DCDC1: variants seen among roughly 807,000 people sequenced by gnomAD.
The protein encoded by DCDC1 is doublecortin domain containing 1, also known as doublecortin domain-containing protein 1.
A neutral mutation model predicts 178.3 loss-of-function variants in DCDC1; 200 were observed. The ratio of observed to expected loss-of-function variants is 1.12; its 90% confidence interval spans 1.00 to 1.26. The LOEUF (loss-of-function observed/expected upper bound fraction) is 1.26, where lower values mean the gene tolerates loss of function less well. Ranked by LOEUF, DCDC1 falls within the 50% of genes most tolerant of loss-of-function variation. The pLI, the probability that DCDC1 is intolerant of heterozygous loss-of-function variation, is 0.00. For synonymous variants in DCDC1, 690 were observed against 604.8 expected (o/e 1.14, Z -2.07); for missense variants, 1,983 against 1,749.2 (o/e 1.13, Z -2.38).
At chr11:30,959,360 C>T (rs1948956758) in intron 20 of DCDC1, among the ~76,000 whole-genome samples, 1 of 152,080 alleles carries the variant, frequency 6.6e-6, no homozygotes, top group Admixed American at 6.6e-5. Flanking sequence ...ACGTGCCTCT[C>T]CAAATTCGCT....
chr11:31,190,883 T>G (rs1970055565), intron 9 of DCDC1, among the ~76,000 whole-genome samples: 1 of 152,100 alleles, frequency 6.6e-6, no homozygotes, highest in African/African-American at 2.4e-5. Flanking sequence ...TTCCATCTAT[T>G]TATTAATTTG....
intron 9 of DCDC1, among the ~76,000 whole-genome samples, chr11:31,213,497 G>A (rs1037652042): frequency 5.3e-5 from 8 of 151,976 alleles, no homozygotes; most frequent in South Asian, 2.1e-4. Context: ...CGAGATGGGC[G>A]AATCACAAGG....
At chr11:31,301,716 A>G (rs144780329) in intron 6 of DCDC1, among the ~76,000 whole-genome samples, 1 of 152,352 alleles carries the variant, frequency 6.6e-6, no homozygotes, top group East Asian at 1.9e-4. Context: ...TTTCCAAATC[A>G]TCAATAATTA....
At chr11:31,099,984 T>C (rs1839216971) in intron 15 of DCDC1, among the ~76,000 whole-genome samples, 1 of 152,100 alleles carries the variant, frequency 6.6e-6, no homozygotes, top group African/African-American at 2.4e-5. Context: ...CCCAAAGTTC[T>C]TGGATTACAG....
chr11:31,139,692 G>C (rs1209916800), intron 9 of DCDC1, among the ~76,000 whole-genome samples: 2 of 152,072 alleles, frequency 1.3e-5, no homozygotes, highest in African/African-American at 4.8e-5. Flanking sequence ...ATGACATTTA[G>C]AACTGCTGCC....
At chr11:30,930,246 G>A (rs1946844567) in intron 22 of DCDC1, among the ~76,000 whole-genome samples, 1 of 152,082 alleles carries the variant, frequency 6.6e-6, no homozygotes, top group African/African-American at 2.4e-5. Context: ...CATTCATACA[G>A]ATAACCATGT....
intron 21 of DCDC1, among the ~76,000 whole-genome samples, chr11:30,949,467 A>G (rs1048466726): frequency 1.3e-5 from 2 of 152,338 alleles, no homozygotes; most frequent in Admixed American, 6.5e-5. Flanking sequence ...AGGATCTAGA[A>G]CCAGAAATGC....
intron 9 of DCDC1, among the ~76,000 whole-genome samples, chr11:31,203,849 G>C (rs956366179): frequency 6.6e-6 from 1 of 151,904 alleles, no homozygotes; most frequent in African/African-American, 2.4e-5. Context: ...CTGGAATATT[G>C]ACCCCATGCA....
intron 20 of DCDC1, among the ~76,000 whole-genome samples, chr11:30,985,795 G>T (rs1192512017): frequency 1.3e-5 from 2 of 152,120 alleles, no homozygotes; most frequent in African/African-American, 2.4e-5. Context: ...CTTCTATCAA[G>T]AGAGGACCAT....
intron 20 of DCDC1, among the ~76,000 whole-genome samples, chr11:31,051,311 A>G (rs1021626469): frequency 3.9e-5 from 6 of 152,226 alleles, no homozygotes; most frequent in Non-Finnish European, 8.8e-5. Flanking sequence ...AAAGCCTCCA[A>G]GAAGTCTGGG....
At chr11:30,959,185 C>T (rs1590548641) in intron 20 of DCDC1, among the ~76,000 whole-genome samples, 1 of 152,182 alleles carries the variant, frequency 6.6e-6, no homozygotes, top group African/African-American at 2.4e-5. Context: ...CTTTTTGAGT[C>T]ATTTTAGGAG....
chr11:30,944,673 G>A (rs1417552273), intron 21 of DCDC1, among the ~76,000 whole-genome samples: 1 of 152,094 alleles, frequency 6.6e-6, no homozygotes, highest in Admixed American at 6.6e-5. Context: ...TTCCCTGCTT[G>A]GTAAGTATTC....
At chr11:31,144,197 C>T (rs1964173821) in intron 9 of DCDC1, among the ~76,000 whole-genome samples, 1 of 152,054 alleles carries the variant, frequency 6.6e-6, no homozygotes, top group Admixed American at 6.6e-5. Context: ...TGCAGTGGTA[C>T]AATCTTGGCT....
intron 6 of DCDC1, among the ~76,000 whole-genome samples, chr11:31,293,121 A>C (rs1591664057): frequency 6.6e-6 from 1 of 152,174 alleles, no homozygotes. Context: ...AAATTACCTA[A>C]CATATCGAAG....
rs1045818128 is a variant in DCDC1 at position 30,864,747 on chromosome 11, T to C, written c.*626A>G. The C allele has an allele frequency of 3.1e-5, 3 of 96,454 alleles. No homozygotes were observed. The highest frequency in any genetic ancestry group is 2.9e-5 in the African/African-American group (1 of 34,568). 6.0% of individuals were successfully genotyped at this position (96,454 alleles called of 1,614,324 possible). ...AGACAAAACATGCAGTCAGTGTATA[T>C]GCTTTTTTTTTTCCAATAAGCCACA... On this transcript the variant is annotated 3_prime_UTR_variant, in exon 39 of 39. Transcript: ENST00000684477.
chr11:30,925,863 A>C (rs1415455838), intron 22 of DCDC1, among the ~76,000 whole-genome samples: 4 of 152,032 alleles, frequency 2.6e-5, no homozygotes, highest in Non-Finnish European at 4.4e-5. Context: ...TCAAAGTCTA[A>C]TTTGTCACCA....
Position 31,309,881 on chromosome 11 carries a change from C to T in DCDC1, c.165-1973G>A, listed in dbSNP as rs373634452. Among the ~76,000 whole-genome samples the T allele has an allele frequency of 2.6e-5, 4 of 152,088 alleles. No individual in the cohort carries two copies. In the East Asian group the frequency reaches 7.7e-4, roughly 29 times the overall value. The stretch of plus-strand genomic sequence containing the variant: ...TTTTATAACCATTATTCATGTTGCT[C>T]TATGCTCTGTATGGATTTTACTGGA... On this transcript the variant is annotated intron_variant, in intron 3 of 38. Transcript: ENST00000684477.
At chr11:30,888,120 AAGAAAGAAAG>A (rs1943427208) in intron 36 of DCDC1, among the ~76,000 whole-genome samples, 1 of 145,374 alleles carries the variant, frequency 6.9e-6, no homozygotes, top group Non-Finnish European at 1.5e-5. Context: ...GAAAGAAAGA[AAGAAAGAAAG>A]AAAGAAAGAA....
At chr11:30,894,523 A>T in intron 34 of DCDC1, 139 bp from the exon 35 acceptor site, 1 of 1,212,016 alleles carries the variant, frequency 8.3e-7, no homozygotes. Context: ...AAAAGCAAAG[A>T]TGCCTAAGGT....
Sources: allele counts gnomAD v4.1 joint callset (sites outside exome capture counted in the v4.1 genomes callset), GRCh38; gene constraint gnomAD v4.1.1; transcripts MANE v1.5; gene names NCBI Gene and HGNC (gene_info 2026-07-23, HGNC 2026-07-21).